Variants in FGF13 observed in about 807,000 individuals in gnomAD.
FGF13 encodes the protein fibroblast growth factor homologous factor 2.
In FGF13, 2 loss-of-function variants were observed where a neutral mutation model predicts 19.5. That is an observed-to-expected ratio of 0.10 (90% confidence interval 0.04 to 0.32). FGF13 has a LOEUF of 0.32. FGF13 is among the 10% of genes least tolerant of loss of function. The pLI is 1.00. For synonymous variants in FGF13, 72 were observed against 76.9 expected, an observed-to-expected ratio of 0.94 and a Z score of 0.33; for missense variants, 113 against 192.7, an observed-to-expected ratio of 0.59 and a Z score of 2.45.
chrX:138,744,707 T>A (rs757974813), intron 3 of FGF13, among the ~76,000 whole-genome samples: 1 of 111,074 alleles, frequency 9.0e-6, no homozygotes, highest in South Asian at 3.8e-4. Context: ...TGTGCAGGAG[T>A]TATAAATATG....
At chrX:138,864,250 G>A (rs1030804296) in intron 2 of FGF13, among the ~76,000 whole-genome samples, 1 of 112,721 alleles carries the variant, frequency 8.9e-6, no homozygotes, top group Non-Finnish European at 1.9e-5. Context: ...TCAGCATCCT[G>A]CAAGGACTCA....
intron 3 of FGF13, among the ~76,000 whole-genome samples, chrX:138,830,994 T>A (rs1360428650): frequency 9.0e-6 from 1 of 110,601 alleles, no homozygotes; most frequent in Non-Finnish European, 1.9e-5. Context: ...ACTCTCTGCC[T>A]AAGGATGCCT....
intron 1 of FGF13, among the ~76,000 whole-genome samples, chrX:138,968,535 G>A (rs945026774): frequency 1.3e-4 from 14 of 111,233 alleles, no homozygotes; most frequent in African/African-American, 4.6e-4. Context: ...CATCTTTTCT[G>A]TTTCCTGACT....
intron 1 of FGF13, among the ~76,000 whole-genome samples, chrX:138,948,102 G>A (rs942652355): frequency 9.0e-6 from 1 of 111,381 alleles, no homozygotes; most frequent in Non-Finnish European, 1.9e-5. Context: ...TTGTATTTTT[G>A]TTATGTCAGC....
intron 1 of FGF13, among the ~76,000 whole-genome samples, chrX:139,118,077 A>T (rs1336028332): frequency 9.0e-6 from 1 of 111,379 alleles, no homozygotes; most frequent in African/African-American, 3.3e-5. Flanking sequence ...GCACAGTCCT[A>T]TAGGGGAACA....
In FGF13 at chrX:139,118,459, C is replaced by T. The variant is rs1272423315; in HGVS notation, c.-113+84957G>A. Among the ~76,000 whole-genome samples, 3 of 111,348 alleles carry T rather than the reference C, an allele frequency of 2.7e-5. No homozygotes were observed. The Admixed American group carries it at 2.9e-4, about 11-fold the overall frequency. On this transcript the variant is annotated intron_variant, in intron 1 of 2. Transcript: ENST00000421460. ...TCTGAATTAGGAAATGAGGAGACTC[C>T]ACAAAAGAGGAAACAGACAGAAAAG...
chrX:138,692,457 C>T (rs1410325807), intron 3 of FGF13, among the ~76,000 whole-genome samples: 14 of 105,074 alleles, frequency 1.3e-4, no homozygotes, highest in African/African-American at 4.9e-4. Flanking sequence ...CTAAAAACAA[C>T]GTCTTCACCA....
Position 138,995,202 on chromosome X carries a change from G to A in FGF13, c.-112-130552C>T, listed in dbSNP as rs1447304566. Reference sequence around the variant, plus strand: ...TACAGCAATTGTGAAACATTGCATTGACCTCGGTGCTGCCCTGACTCAGCA... The same window carrying A: ...TACAGCAATTGTGAAACATTGCATTAACCTCGGTGCTGCCCTGACTCAGCA... On this transcript the variant is annotated intron_variant, in intron 1 of 2. Transcript: ENST00000421460. Among the ~76,000 whole-genome samples the A allele has an allele frequency of 3.6e-5, 4 of 111,573 alleles. No homozygotes were observed. In the East Asian group the frequency reaches 1.1e-3, roughly 32 times the overall value.
intron 1 of FGF13, among the ~76,000 whole-genome samples, chrX:138,733,662 G>T (rs1032272183): frequency 3.6e-5 from 4 of 111,387 alleles, no homozygotes; most frequent in Non-Finnish European, 7.6e-5. Flanking sequence ...AATCTACATT[G>T]TGCAGTTACT....
chrX:139,031,208 G>A (rs150076757), intron 1 of FGF13, among the ~76,000 whole-genome samples: 2,346 of 104,810 alleles, frequency 0.022, 76 homozygotes, highest in African/African-American at 0.078. Context: ...GCTGGATTTT[G>A]AGGCAAAAAA....
At position 138,708,944 on chromosome X, in the gene FGF13, T is replaced by C; in HGVS notation, c.188-16A>G. 9.9e-7 allele frequency: 1 copy of C among 1,005,295 alleles called. No homozygotes were observed. Among genetic ancestry groups the C allele is most frequent in the Non-Finnish European group, 1.4e-6 (1 of 719,119 alleles). 82.8% of individuals were successfully genotyped at this position (1,005,295 alleles called of 1,213,427 possible). On this transcript the variant is annotated splice_polypyrimidine_tract_variant and intron_variant, in intron 1 of 4. Transcript: ENST00000315930. The stretch of plus-strand genomic sequence containing the variant: ...AGCTGAGGCTCTGCAAAGAGAACAA[T>C]GATTTGGATCAATTGATAAATTGTG...
chrX:138,948,303 C>T (rs1247681181), intron 1 of FGF13, among the ~76,000 whole-genome samples: 2 of 111,613 alleles, frequency 1.8e-5, no homozygotes, highest in Non-Finnish European at 3.8e-5. Flanking sequence ...GATGATGTTA[C>T]TTGTTGACCT....
chrX:139,124,063 G>A (rs777527444), intron 1 of FGF13, among the ~76,000 whole-genome samples: 1 of 112,374 alleles, frequency 8.9e-6, no homozygotes, highest in Admixed American at 9.4e-5. Flanking sequence ...CCACTCTCTT[G>A]ACACTACAAA....
intron 3 of FGF13, among the ~76,000 whole-genome samples, chrX:138,769,537 T>C (rs939526439): frequency 7.1e-5 from 8 of 111,969 alleles, no homozygotes; most frequent in Admixed American, 3.8e-4. Flanking sequence ...ACCATGACCA[T>C]CATGGAAAAT....
At chrX:138,746,385 G>A (rs186597903) in intron 3 of FGF13, among the ~76,000 whole-genome samples, 1 of 110,163 alleles carries the variant, frequency 9.1e-6, no homozygotes, top group African/African-American at 3.3e-5. Flanking sequence ...TGGAGTTGTA[G>A]GTTCCCTACC....
At chrX:138,728,187 A>G (rs912203060) in intron 1 of FGF13, among the ~76,000 whole-genome samples, 9 of 111,364 alleles carry the variant, frequency 8.1e-5, no homozygotes, top group Admixed American at 1.9e-4. Context: ...AATTTTTGCA[A>G]CTTTCTTGTT....
chrX:139,187,734 C>T (rs771898672), intron 1 of FGF13, among the ~76,000 whole-genome samples: 1 of 112,144 alleles, frequency 8.9e-6, no homozygotes, highest in Admixed American at 9.5e-5. Context: ...TGCATTTCTT[C>T]CTACCAGGGA....
intron 1 of FGF13, among the ~76,000 whole-genome samples, chrX:139,064,292 T>C (rs1372926781): frequency 2.5e-4 from 11 of 44,569 alleles, no homozygotes; most frequent in Admixed American, 1.6e-3. Flanking sequence ...TTTTTTTTTT[T>C]TTTTTTTTTT....
chrX:138,946,135 G>A (rs2091780753), intron 1 of FGF13, among the ~76,000 whole-genome samples: 3 of 111,790 alleles, frequency 2.7e-5, no homozygotes, highest in South Asian at 7.4e-4. Flanking sequence ...TATTTGTAAG[G>A]TAGGTATGAT....
Sources: allele counts gnomAD v4.1 joint callset (sites outside exome capture counted in the v4.1 genomes callset), GRCh38; gene constraint gnomAD v4.1.1; transcripts MANE v1.5; gene names NCBI Gene and HGNC (gene_info 2026-07-23, HGNC 2026-07-21).